The following SHOX2 variants were observed in gnomAD, a reference collection of about 807,000 sequenced individuals.
SHOX2 encodes the protein SHOX homeobox 2.
A neutral mutation model predicts 31.3 loss-of-function variants in SHOX2; 13 were observed. The ratio of observed to expected loss-of-function variants is 0.42; its 90% confidence interval spans 0.27 to 0.66. The LOEUF (loss-of-function observed/expected upper bound fraction) is 0.66, where lower values mean the gene tolerates loss of function less well. SHOX2 is among the 30% of genes least tolerant of loss of function. The probability of loss-of-function intolerance (pLI) is 0.27; values close to 1 mark genes in which losing one functional copy is unlikely to be tolerated. For synonymous variants in SHOX2, 244 were observed against 196.2 expected (o/e 1.24, Z -2.04); for missense variants, 473 against 443.0 (o/e 1.07, Z -0.61).
chr3:158,097,611 C>T lies in SHOX2; in HGVS notation c.*416G>A, dbSNP rs77342121. The T allele has an allele frequency of 1.2e-3, 201 of 162,946 alleles. No homozygotes were observed. The highest frequency in any genetic ancestry group is 4.3e-3 in the African/African-American group (182 of 41,968). The allele number at this position is 162,946 out of a possible 1,614,324, so 10.1% of individuals were successfully genotyped here. A position where few individuals can be genotyped will look rare whatever the true frequency, so the allele number is the denominator to read the frequency against. On this transcript the variant is annotated 3_prime_UTR_variant, in exon 5 of 5. Coordinates refer to ENST00000483851, the MANE Select transcript of SHOX2 (RefSeq NM_001163678.2). The stretch of plus-strand genomic sequence containing the variant: ...AAGTTCCCTTCCTCTTTTTCTCTCC[C>T]GTTTGTCTTTCGATTTTTTTGTTTG...
chr3:158,104,660 C>T (rs1275011360), intron 1 of SHOX2, among the ~76,000 whole-genome samples: 1 of 152,182 alleles, frequency 6.6e-6, no homozygotes. Context: ...AGGAGATGTC[C>T]AAATTTCAAG....
In SHOX2 at chr3:158,096,778, C is replaced by A. The variant is rs1018595817; in HGVS notation, c.*1249G>T. 21 of 151,422 alleles carry A rather than the reference C, an allele frequency of 1.4e-4. No homozygotes were observed. The highest frequency in any genetic ancestry group is 4.9e-4 in the African/African-American group (20 of 41,230). The allele number at this position is 151,422 out of a possible 1,614,324, so 9.4% of individuals were successfully genotyped here. ...TTATTTCATTTGGTGGTCTTGTTTT[C>A]TTTTTCCTTTCCCCACATATTCTGC... On this transcript the variant is annotated 3_prime_UTR_variant, in exon 5 of 5. Transcript: ENST00000483851.
At chr3:158,100,010 C>T (rs1713392192) in intron 3 of SHOX2, 62 bp from the exon 4 acceptor site, 10 of 1,391,026 alleles carry the variant, frequency 7.2e-6, no homozygotes, top group Non-Finnish European at 9.2e-6. Flanking sequence ...TTCAGGGTTC[C>T]AAAGGGTACA....
chr3:158,105,727 C>G lies in SHOX2; in HGVS notation c.298G>C (p.Gly100Arg). ...GGCTCCCTGCTTCTCTCGGCGGCGC[C>G]CATGTCCAGCTCCCGGACGGGAGAG... ...GRSPVRELDMGAAERSREPGS... is the reference protein window; with the variant it reads ...GRSPVRELDMRAAERSREPGS... Residue 100 changes from glycine (G) to arginine (R), a missense_variant, in exon 1 of 5, where the codon GGC becomes CGC. Physicochemically the swap from Gly to Arg is moderately radical, Grantham distance 125. This residue lies in a region of SHOX2 where 276 missense variants were observed against 230.0 expected (regional missense o/e 1.20). Transcript: ENST00000483851. The G allele has an allele frequency of 6.6e-7, 1 of 1,526,394 alleles. No individual in the cohort carries two copies. Among genetic ancestry groups the G allele is most frequent in the Non-Finnish European group, 8.8e-7 (1 of 1,137,940 alleles). 94.6% of individuals were successfully genotyped at this position (1,526,394 alleles called of 1,614,324 possible).
intron 1 of SHOX2, 54 bp from the exon 2 acceptor site, chr3:158,102,940 A>ACACG: frequency 7.1e-7 from 1 of 1,415,048 alleles, no homozygotes; most frequent in South Asian, 1.1e-5. Flanking sequence ...ACACACACAC[A>ACACG]CACGCACACA....
rs1713154389 is a variant in SHOX2, at chr3:158,096,955, T to G, written c.*1072A>C. On this transcript the variant is annotated 3_prime_UTR_variant, in exon 5 of 5. Transcript: ENST00000483851. ...ATGGCAAATATATGATATATATATA[T>G]GGATATATATATATCAATTTCCAGA... The G allele has an allele frequency of 1.5e-5, 2 of 133,634 alleles. No homozygotes were observed. Among genetic ancestry groups the G allele is most frequent in the African/African-American group, 3.0e-5 (1 of 33,788 alleles). The allele number at this position is 133,634 out of a possible 1,614,324, so 8.3% of individuals were successfully genotyped here.
In SHOX2 at chr3:158,106,175, G is replaced by C; in HGVS notation, c.-151C>G. 7.9e-7 allele frequency: 1 copy of C among 1,265,828 alleles called. No individual in the cohort carries two copies. Among genetic ancestry groups the C allele is most frequent in the East Asian group, 3.0e-5 (1 of 33,070 alleles). The allele number at this position is 1,265,828 out of a possible 1,614,324, so 78.4% of individuals were successfully genotyped here. On this transcript the variant is annotated 5_prime_UTR_variant, in exon 1 of 5. Transcript: ENST00000483851. ...GGAGAGGGAGGAGGAGAAAGAAGAA[G>C]AAAAAGAGGAGAAGAAAGAAGAAAG...
In SHOX2 at chr3:158,106,268, G is replaced by A; in HGVS notation, c.-244C>T. The A allele has an allele frequency of 1.8e-6, 1 of 562,886 alleles. No individual in the cohort carries two copies. Among genetic ancestry groups the A allele is most frequent in the Non-Finnish European group, 3.0e-6 (1 of 335,444 alleles). The allele number at this position is 562,886 out of a possible 1,614,324, so 34.9% of individuals were successfully genotyped here. A position where few individuals can be genotyped will look rare whatever the true frequency, so the allele number is the denominator to read the frequency against. On this transcript the variant is annotated 5_prime_UTR_variant, in exon 1 of 5. Coordinates refer to ENST00000483851, the MANE Select transcript of SHOX2 (RefSeq NM_001163678.2). ...AGGAGGAAGAAGAGGAAGAGGGGGA[G>A]AAGGGTGAAGAGGAGAGGGAGGAGG...
Position 158,097,787 on chromosome 3 carries a change from G to T in SHOX2, c.*240C>A. The T allele has an allele frequency of 1.7e-6, 1 of 573,824 alleles. No individual in the cohort carries two copies. Among genetic ancestry groups the T allele is most frequent in the Non-Finnish European group, 3.1e-6 (1 of 327,072 alleles). The allele number at this position is 573,824 out of a possible 1,614,324, so 35.5% of individuals were successfully genotyped here. ...CCCGCTCCTACAAAACCCAATTCTAGGCCCTCGAGTAGGAAAACGGGCAGG... is the reference window on the plus strand; with the variant it reads ...CCCGCTCCTACAAAACCCAATTCTATGCCCTCGAGTAGGAAAACGGGCAGG... On this transcript the variant is annotated 3_prime_UTR_variant, in exon 5 of 5. Coordinates refer to ENST00000483851, the MANE Select transcript of SHOX2 (RefSeq NM_001163678.2).
intron 2 of SHOX2, among the ~76,000 whole-genome samples, chr3:158,101,877 G>A (rs1713514334): frequency 6.6e-6 from 1 of 152,136 alleles, no homozygotes; most frequent in Non-Finnish European, 1.5e-5. Context: ...TACACAATTT[G>A]CTCCTTTAAA....
chr3:158,099,828 T>C, intron 4 of SHOX2, 32 bp downstream of exon 4: 1 of 1,538,250 alleles, frequency 6.5e-7, no homozygotes, highest in South Asian at 1.1e-5. Context: ...ATTTTCATAT[T>C]TAAAAACAGC....
At position 158,102,703 on chromosome 3, in the gene SHOX2, A is replaced by T; in HGVS notation, c.530T>A (p.Leu177Gln). ...CTGCACTCGGGCCTCCGACAGGCCCAGTCGCTGGCTCAGTTCCTCTCGCAT... is the reference window on the plus strand; with the variant it reads ...CTGCACTCGGGCCTCCGACAGGCCCTGTCGCTGGCTCAGTTCCTCTCGCAT... ...AFMREELSQR[L>Q]GLSEARVQVW... Residue 177 changes from leucine to glutamine, a missense_variant, in exon 2 of 5, where the codon CTG becomes CAG. Transcript: ENST00000483851. 6.2e-7 allele frequency: 1 copy of T among 1,614,126 alleles called. No homozygotes were observed. The highest frequency in any genetic ancestry group is 8.5e-7 in the Non-Finnish European group (1 of 1,180,026).
chr3:158,105,144 G>A, intron 1 of SHOX2: 1 of 1,515,250 alleles, frequency 6.6e-7, no homozygotes, highest in Non-Finnish European at 9.0e-7. Context: ...AAAGAGAATG[G>A]GAAGTTTTGG....
chr3:158,105,029 GC>G, intron 1 of SHOX2: 1 of 225,992 alleles, frequency 4.4e-6, no homozygotes. Context: ...CACCTCCCCC[GC>G]CGCCCCCCCC....
chr3:158,099,501 A>G (rs577561047), intron 4 of SHOX2, among the ~76,000 whole-genome samples: 19 of 152,258 alleles, frequency 1.2e-4, no homozygotes, highest in Non-Finnish European at 2.2e-4. Flanking sequence ...AAAAGTATCT[A>G]GAGGGTTGCC....
intron 1 of SHOX2, among the ~76,000 whole-genome samples, chr3:158,104,431 T>A (rs1270672266): frequency 6.6e-6 from 1 of 152,282 alleles, no homozygotes; most frequent in African/African-American, 2.4e-5. Context: ...CCGTATTTTC[T>A]AGTTCTCAGA....
In SHOX2 at chr3:158,106,330, A is replaced by T. The variant is rs1480786383; in HGVS notation, c.-306T>A. The T allele has an allele frequency of 1.2e-5, 5 of 427,532 alleles. No homozygotes were observed. The highest frequency in any genetic ancestry group is 2.1e-5 in the Non-Finnish European group (5 of 239,060). The allele number at this position is 427,532 out of a possible 1,614,324, so 26.5% of individuals were successfully genotyped here. A position where few individuals can be genotyped will look rare whatever the true frequency, so the allele number is the denominator to read the frequency against. ...AGAAGGGGCGGGGGCTGCCGGAGGG[A>T]AATGGGAACTGATGCTTCCCTGCCG... On this transcript the variant is annotated 5_prime_UTR_variant, in exon 1 of 5. Coordinates refer to ENST00000483851, the MANE Select transcript of SHOX2 (RefSeq NM_001163678.2).
intron 1 of SHOX2, 125 bp from the exon 2 acceptor site, chr3:158,103,011 G>A: frequency 1.1e-6 from 1 of 906,058 alleles, no homozygotes; most frequent in Admixed American, 1.9e-5. Context: ...AAAGAATAGA[G>A]AATCCTTCCC....
In SHOX2 at chr3:158,106,212, TAGA is replaced by T. The variant is rs781424954; in HGVS notation, c.-191_-189del. 7.2e-5 allele frequency: 66 copies of T among 911,758 alleles called. No individual in the cohort carries two copies. Among genetic ancestry groups the T allele is most frequent in the Admixed American group, 1.8e-4 (5 of 27,696 alleles). The allele number at this position is 911,758 out of a possible 1,614,324, so 56.5% of individuals were successfully genotyped here. Reference sequence around the variant, plus strand: ...AAGAAAGAAGAAAGAGGAGGAGAAGTAGAAGGAGAAAAAGAAGTAAGAAGAGGA... The same window carrying T: ...AAGAAAGAAGAAAGAGGAGGAGAAGTAGGAGAAAAAGAAGTAAGAAGAGGA... On this transcript the variant is annotated 5_prime_UTR_variant, in exon 1 of 5. Coordinates refer to ENST00000483851, the MANE Select transcript of SHOX2 (RefSeq NM_001163678.2).
Sources: gnomAD v4.1 joint callset for allele counts (sites outside exome capture counted in the v4.1 genomes callset) on GRCh38, gnomAD v4.1.1 for gene constraint, gnomAD v4.1.1 regional missense constraint, MANE v1.5 for transcripts, NCBI Gene and HGNC (gene_info 2026-07-23, HGNC 2026-07-21) for gene names.